Variants in NBAS observed in about 807,000 individuals in gnomAD.
NBAS encodes NAG/BC035112 fusion.
In NBAS, 219 loss-of-function variants were observed where a neutral mutation model predicts 302.5. The observed-to-expected ratio is 0.72, with a 90% confidence interval of 0.65 to 0.81. The LOEUF (loss-of-function observed/expected upper bound fraction) is 0.81. NBAS is among the 30% of genes least tolerant of loss of function. The pLI is 0.00. For synonymous variants in NBAS, 1,118 were observed against 1,021.6 expected (o/e 1.09, Z -1.80); for missense variants, 2,932 against 2,841.6 (o/e 1.03, Z -0.72).
At chr2:14,789,384 G>T in the NBAS span, among the ~76,000 whole-genome samples, 1 of 152,146 alleles carries the variant, frequency 6.6e-6, no homozygotes, top group Non-Finnish European at 1.5e-5. Context: ...GATGAACCCG[G>T]TACCTCAGAT....
At chr2:15,542,601 G>A (rs1431237006) in intron 6 of NBAS, among the ~76,000 whole-genome samples, 6 of 147,408 alleles carry the variant, frequency 4.1e-5, no homozygotes, top group African/African-American at 1.5e-4. Context: ...CCCCCTCTGC[G>A]AGAAACACCC....
chr2:15,142,728 A>G, the NBAS span, among the ~76,000 whole-genome samples: 2 of 152,178 alleles, frequency 1.3e-5, no homozygotes, highest in Non-Finnish European at 2.9e-5. Context: ...CTCTCTGTCT[A>G]TCTCTGCAGA....
chr2:15,246,964 C>CTGAG (rs1668120102), intron 44 of NBAS, among the ~76,000 whole-genome samples: 1 of 152,202 alleles, frequency 6.6e-6, no homozygotes, highest in South Asian at 2.1e-4. Flanking sequence ...AAGGGCCACT[C>CTGAG]TGCAGACTGG....
the NBAS span, among the ~76,000 whole-genome samples, chr2:14,917,640 T>C: frequency 2.6e-4 from 40 of 152,300 alleles, no homozygotes; most frequent in Non-Finnish European, 4.3e-4. Flanking sequence ...CTTTCATGCA[T>C]GGTTATATAG....
At position 15,275,616 on chromosome 2, in the gene NBAS, T is replaced by A; in HGVS notation, c.5592A>T (p.Lys1864Asn). Residue 1864 changes from lysine (K) to asparagine (N), a missense_variant, in exon 44 of 52, where the codon AAA (lysine) becomes AAT (asparagine). Transcript: ENST00000281513. ...ACTCCGGTGAAGAGCCTGGGACTTG[T>A]TTAATGAGATGAGGGTCTCCAGTCC... ...LFWTGDPHLI[K>N]QVPGSSPEWL... is the part of the protein sequence containing the mutation. The A allele has an allele frequency of 6.2e-7, 1 of 1,614,144 alleles. No individual in the cohort carries two copies. Among genetic ancestry groups the A allele is most frequent in the Non-Finnish European group, 8.5e-7 (1 of 1,180,018 alleles).
chr2:15,284,308 T>C (rs1197264826), intron 42 of NBAS, among the ~76,000 whole-genome samples: 1 of 152,188 alleles, frequency 6.6e-6, no homozygotes, highest in Non-Finnish European at 1.5e-5. Flanking sequence ...TACCACTAAA[T>C]AATTTAATTT....
chr2:15,237,608 T>TATCTATC (rs1558463165), intron 45 of NBAS, among the ~76,000 whole-genome samples: 1 of 134,160 alleles, frequency 7.5e-6, no homozygotes, highest in African/African-American at 2.9e-5. Flanking sequence ...ATTTATTTAT[T>TATCTATC]TATCTGAGAC....
chr2:15,367,418 C>T (rs906318488), intron 31 of NBAS, among the ~76,000 whole-genome samples: 3 of 152,250 alleles, frequency 2.0e-5, no homozygotes, highest in South Asian at 2.1e-4. Context: ...ACAACAACTA[C>T]GATAATAGCA....
intron 44 of NBAS, among the ~76,000 whole-genome samples, chr2:15,252,144 A>C (rs1668391660): frequency 6.6e-6 from 1 of 152,206 alleles, no homozygotes; most frequent in African/African-American, 2.4e-5. Context: ...AAGATGACCT[A>C]CATCATCTGC....
At chr2:14,942,496 T>C in the NBAS span, among the ~76,000 whole-genome samples, 1 of 152,362 alleles carries the variant, frequency 6.6e-6, no homozygotes, top group Admixed American at 6.5e-5. Context: ...TGATTGTAAG[T>C]TTCCTGAGGC....
rs1269002662 is a variant in NBAS at position 15,372,775 on chromosome 2, T to C, written c.3703+1833A>G. ...AGCCACAGCAGGGCAGCGGTTTTGGTTGCAGGTATTCAAACCCAGCAGCTG... is the reference window on the plus strand; with the variant it reads ...AGCCACAGCAGGGCAGCGGTTTTGGCTGCAGGTATTCAAACCCAGCAGCTG... On this transcript the variant is annotated intron_variant, in intron 31 of 51. Transcript: ENST00000281513. Among the ~76,000 whole-genome samples, 2 of 152,194 alleles carry C rather than the reference T, an allele frequency of 1.3e-5. 1 individual carries two copies. The highest frequency in any genetic ancestry group is 2.9e-5 in the Non-Finnish European group (2 of 68,034).
chr2:15,560,959 G>A (rs1211291480), intron 1 of NBAS, among the ~76,000 whole-genome samples: 1 of 152,110 alleles, frequency 6.6e-6, no homozygotes, highest in Non-Finnish European at 1.5e-5. Context: ...CGAAGTTCCA[G>A]CCCCCAACAA....
chr2:14,985,491 A>T, the NBAS span, among the ~76,000 whole-genome samples: 1 of 152,236 alleles, frequency 6.6e-6, no homozygotes, highest in Non-Finnish European at 1.5e-5. Context: ...GTGGAATAAG[A>T]TAAAGTCAGA....
At chr2:14,912,716 A>ATTTT in the NBAS span, among the ~76,000 whole-genome samples, 1 of 74,596 alleles carries the variant, frequency 1.3e-5, no homozygotes, top group African/African-American at 6.0e-5. Flanking sequence ...AAAAAAAAAA[A>ATTTT]AAAAAAAAAA....
intron 8 of NBAS, among the ~76,000 whole-genome samples, chr2:15,535,986 CAG>C (rs940620021): frequency 2.5e-4 from 38 of 152,210 alleles, no homozygotes; most frequent in African/African-American, 8.9e-4. Flanking sequence ...CGTATCTTGA[CAG>C]AGGTTTGAAC....
the NBAS span, among the ~76,000 whole-genome samples, chr2:15,068,300 G>A: frequency 3.3e-4 from 51 of 152,322 alleles, no homozygotes; most frequent in Non-Finnish European, 6.2e-4. Flanking sequence ...CATCTGTCAT[G>A]ATCCATACAT....
At chr2:15,052,132 C>A in the NBAS span, among the ~76,000 whole-genome samples, 3 of 152,178 alleles carry the variant, frequency 2.0e-5, no homozygotes, top group Non-Finnish European at 2.9e-5. Flanking sequence ...GACACTTAAT[C>A]TAGCCCCAGC....
At chr2:14,819,306 C>A in the NBAS span, among the ~76,000 whole-genome samples, 4 of 152,194 alleles carry the variant, frequency 2.6e-5, no homozygotes, top group Non-Finnish European at 5.9e-5. Flanking sequence ...GACTATAGAA[C>A]CCTTCCAATC....
the NBAS span, among the ~76,000 whole-genome samples, chr2:15,067,095 G>T: frequency 6.6e-6 from 1 of 150,762 alleles, no homozygotes; most frequent in Non-Finnish European, 1.5e-5. Flanking sequence ...GGCCAAGGCG[G>T]GTGGATTACT....
Sources: allele counts gnomAD v4.1 joint callset (sites outside exome capture counted in the v4.1 genomes callset), GRCh38; gene constraint gnomAD v4.1.1; transcripts MANE v1.5; gene names NCBI Gene and HGNC (gene_info 2026-07-23, HGNC 2026-07-21).